SALL2: variants seen among roughly 807,000 people sequenced by gnomAD.
SALL2 encodes the protein sal-like protein 2.
Under a neutral mutation model 58.5 loss-of-function variants are expected in SALL2, and 32 were observed. That is an observed-to-expected ratio of 0.55 (90% CI 0.41 to 0.74). The LOEUF is 0.74. Among genes scored for constraint, SALL2 ranks in the 30% least tolerant of loss-of-function variants. The pLI is 0.00. For missense variants in SALL2, 1,201 were observed against 1,268.9 expected (o/e 0.95, Z 0.81); for synonymous variants, 516 against 513.6 (o/e 1.00, Z -0.06).
rs1204890788 is a variant in SALL2 at position 21,524,949 on chromosome 14, G to A, written c.773C>T (p.Ser258Phe). Residue 258 changes from serine to phenylalanine, a missense_variant, in exon 2 of 2, where the codon TCC becomes TTC. Transcript: ENST00000537235. ...TSKTLASSSS[S>F]SSSSSGAETP... ...TTCTGCCCCTGAAGAGGAAGAGGAG[G>A]AGGAGGAGGAAGATGCCAGTGTCTT... The A allele has an allele frequency of 2.6e-5, 42 of 1,614,072 alleles. No individual in the cohort carries two copies. The highest frequency in any genetic ancestry group is 3.4e-5 in the Non-Finnish European group (40 of 1,180,024).
Position 21,521,645 on chromosome 14 carries a change from C to G in SALL2, c.*1059G>C, listed in dbSNP as rs1002308424. 1 of 213,678 alleles carries G rather than the reference C, an allele frequency of 4.7e-6. No individual in the cohort carries two copies. Among genetic ancestry groups the G allele is most frequent in the Non-Finnish European group, 9.5e-6 (1 of 105,696 alleles). The allele number at this position is 213,678 out of a possible 1,614,324, so 13.2% of individuals were successfully genotyped here. A position where few individuals can be genotyped will look rare whatever the true frequency, so the allele number is the denominator to read the frequency against. On this transcript the variant is annotated 3_prime_UTR_variant, in exon 2 of 2. Transcript: ENST00000537235. ...TTAGTCACATAGGTACCAGCAAGCCCTATGTTCTAGCAACATTCCTTAACT... is the reference window on the plus strand; with the variant it reads ...TTAGTCACATAGGTACCAGCAAGCCGTATGTTCTAGCAACATTCCTTAACT...
In SALL2 at chr14:21,522,911, G is replaced by C; in HGVS notation, c.2811C>G (p.Leu937=). Residue 937 remains leucine, a synonymous_variant, in exon 2 of 2, where the codon CTC becomes CTG. Transcript: ENST00000537235. ...HQKTHPKEGP[L]FTCVFCRQGF... ...CCTGCCTGCAGAAAACACAAGTGAA[G>C]AGCGGCCCCTCCTTGGGGTGGGTCT... The C allele has an allele frequency of 6.2e-7, 1 of 1,613,592 alleles. No individual in the cohort carries two copies. The highest frequency in any genetic ancestry group is 8.5e-7 in the Non-Finnish European group (1 of 1,179,762).
chr14:21,526,007 C>CGGCGGG, intron 1 of SALL2, 54 bp downstream of exon 1: 1 of 1,053,052 alleles, frequency 9.5e-7, no homozygotes, highest in Non-Finnish European at 1.4e-6. Flanking sequence ...TTCGCCGCCC[C>CGGCGGG]TGCGCATCCC....
At chr14:21,526,436 C>A, upstream of SALL2, 1 of 1,048,922 alleles carries the variant, frequency 9.5e-7, no homozygotes, top group South Asian at 2.6e-5. Context: ...GGAGCGCTAG[C>A]GGGGGCGTGG....
upstream of SALL2, among the ~76,000 whole-genome samples, chr14:21,530,356 C>CCA (rs1892428870): frequency 7.5e-6 from 1 of 133,168 alleles, no homozygotes; most frequent in East Asian, 2.2e-4. Flanking sequence ...GGCATGATCT[C>CCA]GGCTCACCGC....
chr14:21,525,822 G>C lies in SALL2; in HGVS notation c.68-168C>G, dbSNP rs1400892491. ...TCAGGCCTGATCCGTGTGGACAGGAGACAACCCGGCATGGGGCAGGGGGGT... is the reference window on the plus strand; with the variant it reads ...TCAGGCCTGATCCGTGTGGACAGGACACAACCCGGCATGGGGCAGGGGGGT... On this transcript the variant is annotated intron_variant, in intron 1 of 1. Transcript: ENST00000537235. This position sits in a 1 kb window ranked among gnomAD's most constrained non-coding sequence, Gnocchi z 4.4. 8.1e-6 allele frequency among the ~76,000 whole-genome samples: 1 copy of C among 122,914 alleles called. No individual in the cohort carries two copies. Among genetic ancestry groups the C allele is most frequent in the Non-Finnish European group, 1.6e-5 (1 of 61,850 alleles). The allele number at this position is 122,914 out of a possible 152,430, so 80.6% of individuals were successfully genotyped here.
rs1414447129 is a variant in SALL2 at position 21,522,575 on chromosome 14, C to A, written c.*129G>T. On this transcript the variant is annotated 3_prime_UTR_variant, in exon 2 of 2. Transcript: ENST00000537235. ...TCCAAGCTCAGGGACTACAGAAAAG[C>A]CACTAGGGACATAACATGTTAAGAA... The A allele has an allele frequency of 7.1e-7, 1 of 1,416,884 alleles. No individual in the cohort carries two copies. The allele number at this position is 1,416,884 out of a possible 1,614,324, so 87.8% of individuals were successfully genotyped here.
chr14:21,533,535 T>C (rs184995056), intron 1 of SALL2, among the ~76,000 whole-genome samples: 1,971 of 152,132 alleles, frequency 0.013, 15 homozygotes, highest in Middle Eastern at 0.041. Context: ...TTTGCATTTT[T>C]CCCCCAGTCA....
In SALL2 at chr14:21,522,098, G is replaced by T; in HGVS notation, c.*606C>A. The T allele has an allele frequency of 6.3e-7, 1 of 1,597,796 alleles. No homozygotes were observed. The highest frequency in any genetic ancestry group is 8.5e-7 in the Non-Finnish European group (1 of 1,179,628). On this transcript the variant is annotated 3_prime_UTR_variant, in exon 2 of 2. Coordinates refer to ENST00000537235, the MANE Select transcript of SALL2 (RefSeq NM_001364564.1). ...GGGCTGTCTTCTCCTTGGCTTCCCT[G>T]GATCCCATTGTTGGAGGCACCTTCC...
upstream of SALL2, chr14:21,526,450 C>A: frequency 1.6e-6 from 2 of 1,278,446 alleles, no homozygotes; most frequent in Non-Finnish European, 2.0e-6. Context: ...GGCGTGGGGG[C>A]GGGAGCTCAG....
chr14:21,524,911 C>T lies in SALL2; in HGVS notation c.811G>A (p.Ala271Thr), dbSNP rs1382745178. 2.5e-6 allele frequency: 4 copies of T among 1,614,152 alleles called. No homozygotes were observed. Among genetic ancestry groups the T allele is most frequent in the South Asian group, 2.2e-5 (2 of 91,082 alleles). The part of the protein sequence containing the change: ...SSSGAETPKQ[A>T]FFHLYHPLGS... Reference sequence around the variant, plus strand: ...AGTGGGTGGTAAAGGTGGAAGAAGGCCTGCTTGGGCGTTTCTGCCCCTGAA... The same window carrying T: ...AGTGGGTGGTAAAGGTGGAAGAAGGTCTGCTTGGGCGTTTCTGCCCCTGAA... The change falls in exon 2 of 2, where the codon GCC becomes ACC. Residue 271 changes from alanine to threonine, a missense_variant. By Grantham distance (58) the Ala-to-Thr change is moderately conservative. Coordinates refer to ENST00000537235, the MANE Select transcript of SALL2 (RefSeq NM_001364564.1).
intron 1 of SALL2, among the ~76,000 whole-genome samples, chr14:21,536,528 C>T (rs1205912775): frequency 6.6e-6 from 1 of 152,192 alleles, no homozygotes; most frequent in Non-Finnish European, 1.5e-5. Context: ...GAGGACGTTA[C>T]TTAGCAACGG....
rs868401440 is a variant in SALL2 at position 21,535,111 on chromosome 14, C to T, written c.-114+1851G>A. Among the ~76,000 whole-genome samples the T allele has an allele frequency of 4.6e-5, 7 of 152,120 alleles. No homozygotes were observed. The East Asian group carries it at 5.8e-4, about 13-fold the overall frequency. Reference sequence around the variant, plus strand: ...CTGTAATCCCAGCACTTTGGGAGGCCAAGGCGGGCAGATTACGAGATCAGG... The same window carrying T: ...CTGTAATCCCAGCACTTTGGGAGGCTAAGGCGGGCAGATTACGAGATCAGG... On this transcript the variant is annotated intron_variant, in intron 1 of 1. Coordinates refer to the SALL2 transcript ENST00000541965.
At position 21,521,801 on chromosome 14, in the gene SALL2, T is replaced by C; in HGVS notation, c.*903A>G. 2 of 538,252 alleles carry C rather than the reference T, an allele frequency of 3.7e-6. No individual in the cohort carries two copies. Among genetic ancestry groups the C allele is most frequent in the South Asian group, 5.8e-5 (2 of 34,538 alleles). 33.3% of individuals were successfully genotyped at this position (538,252 alleles called of 1,614,324 possible). On this transcript the variant is annotated 3_prime_UTR_variant, in exon 2 of 2. Coordinates refer to ENST00000537235, the MANE Select transcript of SALL2 (RefSeq NM_001364564.1). The stretch of plus-strand genomic sequence containing the variant: ...CTTGTTTCCCAACTTTGAGAGGTCA[T>C]CATGAATGAGAAGCTGGAGAGGTCT...
chr14:21,524,093 T>C lies in SALL2; in HGVS notation c.1629A>G (p.Ala543=). The change falls in exon 2 of 2, where the codon GCA becomes GCG. Residue 543 remains alanine, a synonymous_variant. Coordinates refer to ENST00000537235, the MANE Select transcript of SALL2 (RefSeq NM_001364564.1). Reference sequence around the variant, plus strand: ...CCAACTTACTTAGTTGCATGCGAGTTGCCGTGCTACTTTCTGCCACTCCAC... The same window carrying C: ...CCAACTTACTTAGTTGCATGCGAGTCGCCGTGCTACTTTCTGCCACTCCAC... The part of the protein sequence containing the change: ...AISGVAESST[A]TRMQLSKLVT... 1 of 1,614,070 alleles carries C rather than the reference T, an allele frequency of 6.2e-7. No individual in the cohort carries two copies.
chr14:21,522,050 T>C lies in SALL2; in HGVS notation c.*654A>G, dbSNP rs1022945294. 6.3e-7 allele frequency: 1 copy of C among 1,596,718 alleles called. No homozygotes were observed. The highest frequency in any genetic ancestry group is 8.5e-7 in the Non-Finnish European group (1 of 1,179,140). On this transcript the variant is annotated 3_prime_UTR_variant, in exon 2 of 2. Transcript: ENST00000537235. ...TGGGCTTCTCAGGCACTGCCTTGGG[T>C]GCAGGAGGCTGAAATAGGAGGGGGG...
upstream of SALL2, chr14:21,526,548 C>G (rs1053403139): frequency 9.0e-6 from 10 of 1,113,274 alleles, no homozygotes; most frequent in Non-Finnish European, 1.1e-5. Context: ...CAGCTCCCCC[C>G]ATCTGCAGAT....
intron 1 of SALL2, among the ~76,000 whole-genome samples, chr14:21,535,173 G>A (rs1400063136): frequency 6.6e-6 from 1 of 151,712 alleles, no homozygotes; most frequent in Non-Finnish European, 1.5e-5. Context: ...GTGAAACCCC[G>A]TCTCTACTAA....
Position 21,524,241 on chromosome 14 carries a change from C to A in SALL2, c.1481G>T (p.Ser494Ile). The A allele has an allele frequency of 6.2e-7, 1 of 1,613,432 alleles. No individual in the cohort carries two copies. The highest frequency in any genetic ancestry group is 8.5e-7 in the Non-Finnish European group (1 of 1,179,708). The change falls in exon 2 of 2, where the codon AGT becomes ATT. Residue 494 changes from serine (S) to isoleucine (I), a missense_variant. By Grantham distance (142) the Ser-to-Ile change is moderately radical (BLOSUM62 -2). This residue lies in a region of SALL2 where 675 missense variants were observed against 683.8 expected (regional missense o/e 0.99). Transcript: ENST00000537235. The part of the protein sequence containing the change: ...ATESLTLLST[S>I]AGTATAPGLP... ...TCCTGGAGCCGTGGCTGTGCCTGCA[C>A]TGGTGGAGAGCAGAGTCAGGCTCTC...
Sources: gnomAD v4.1 joint callset for allele counts (sites outside exome capture counted in the v4.1 genomes callset) on GRCh38, gnomAD v4.1.1 for gene constraint, gnomAD v4.1.1 regional missense constraint, Gnocchi (gnomAD v3.1) non-coding constraint, MANE v1.5 for transcripts, NCBI Gene and HGNC (gene_info 2026-07-23, HGNC 2026-07-21) for gene names.